MYLK3: variants seen among roughly 807,000 people sequenced by gnomAD.
MYLK3 encodes myosin light chain kinase 3.
MYLK3 carries 55 observed loss-of-function variants against 76.3 expected under a neutral mutation model. The ratio of observed to expected loss-of-function variants is 0.72; its 90% confidence interval spans 0.58 to 0.90. The LOEUF (loss-of-function observed/expected upper bound fraction) is 0.90. Ranked by LOEUF, MYLK3 falls within the 40% of genes least tolerant of loss-of-function variation. The pLI is 0.00. For missense variants in MYLK3, 973 were observed against 1,053.6 expected, an observed-to-expected ratio of 0.92 and a Z score of 1.06; for synonymous variants, 416 against 425.4, an observed-to-expected ratio of 0.98 and a Z score of 0.27.
chr16:46,712,306 G>A (rs905537927), intron 10 of MYLK3, among the ~76,000 whole-genome samples: 6 of 151,774 alleles, frequency 4.0e-5, no homozygotes, highest in African/African-American at 9.7e-5. Flanking sequence ...CCATAACTTT[G>A]ATACAGCTGC....
intron 8 of MYLK3, among the ~76,000 whole-genome samples, chr16:46,721,867 T>C (rs1472437181): frequency 1.3e-5 from 2 of 152,084 alleles, no homozygotes; most frequent in Non-Finnish European, 2.9e-5. Flanking sequence ...AATGTTATAC[T>C]GGAATGCTAA....
chr16:46,739,382 A>T (rs1966893939), intron 2 of MYLK3, among the ~76,000 whole-genome samples: 1 of 152,252 alleles, frequency 6.6e-6, no homozygotes, highest in South Asian at 2.1e-4. Flanking sequence ...AGGTTAAGAA[A>T]GTAATCCATA....
chr16:46,761,547 T>A (rs1967276029), intron 1 of MYLK3, among the ~76,000 whole-genome samples: 2 of 152,134 alleles, frequency 1.3e-5, no homozygotes, highest in Non-Finnish European at 2.9e-5. Flanking sequence ...CAGGGCACAG[T>A]GGCTCACGCC....
intron 3 of MYLK3, 149 bp from the exon 4 acceptor site, chr16:46,732,817 G>C (rs763228998): frequency 1.6e-6 from 1 of 623,176 alleles, no homozygotes; most frequent in Non-Finnish European, 2.7e-6. Flanking sequence ...TGACTTCAGT[G>C]ACAGTTGGTG....
Position 46,729,899 on chromosome 16 carries a change from C to A in MYLK3, c.1569-212G>T, listed in dbSNP as rs1966849071. The A allele has an allele frequency of 6.6e-6, 4 of 603,260 alleles. No homozygotes were observed. The East Asian group carries it at 1.1e-4, about 17-fold the overall frequency. The allele number at this position is 603,260 out of a possible 1,614,324, so 37.4% of individuals were successfully genotyped here. On this transcript the variant is annotated intron_variant, in intron 5 of 12. Coordinates refer to ENST00000394809, the MANE Select transcript of MYLK3 (RefSeq NM_182493.3). ...ACACCACCCAGGCCATTCCACATCC[C>A]AGGGAACATCCCCTCATCCCTCACC...
At position 46,741,847 on chromosome 16, in the gene MYLK3, T is replaced by C. The variant is rs566783008; in HGVS notation, c.478-1700A>G. The stretch of plus-strand genomic sequence containing the variant: ...GTGCAGTGGTTGGATCCCAGCTCAC[T>C]GCAGCCTCGACCTTCCAGGATTAAG... On this transcript the variant is annotated intron_variant, in intron 1 of 12. Coordinates refer to ENST00000394809, the MANE Select transcript of MYLK3 (RefSeq NM_182493.3). 4.0e-5 allele frequency among the ~76,000 whole-genome samples: 6 copies of C among 151,866 alleles called. No individual in the cohort carries two copies. In the East Asian group the frequency reaches 1.2e-3, roughly 29 times the overall value.
intron 7 of MYLK3, 103 bp downstream of exon 7, chr16:46,728,921 G>A: frequency 1.2e-6 from 1 of 839,864 alleles, no homozygotes; most frequent in Non-Finnish European, 2.0e-6. Flanking sequence ...GACGTGCCAG[G>A]AAGGGGAAAG....
chr16:46,718,004 T>C (rs1966761208), intron 9 of MYLK3, among the ~76,000 whole-genome samples: 1 of 152,202 alleles, frequency 6.6e-6, no homozygotes, highest in Non-Finnish European at 1.5e-5. Context: ...GTGAAGACAA[T>C]ATTGCCCCAT....
At chr16:46,729,853 T>A in intron 5 of MYLK3, 166 bp from the exon 6 acceptor site, 1 of 634,580 alleles carries the variant, frequency 1.6e-6, no homozygotes, top group Non-Finnish European at 2.8e-6. Context: ...TCCCGAAACC[T>A]GCAAAGCAAC....
Position 46,738,008 on chromosome 16 carries a change from G to T in MYLK3, c.704C>A (p.Ala235Glu), listed in dbSNP as rs1308718094. 1.2e-6 allele frequency: 2 copies of T among 1,613,404 alleles called. No homozygotes were observed. The highest frequency in any genetic ancestry group is 2.2e-5 in the South Asian group (2 of 91,076). The stretch of plus-strand genomic sequence containing the variant: ...GGGCAGGGGCAGGTGGCCAGGGAAT[G>T]CCTGGGCTGGGCCAGGAACACCATC... ...QGDGVPGPAQ[A>E]FPGHLPLPTK... The change falls in exon 3 of 13, where the codon GCA (alanine) becomes GAA (glutamate). Residue 235 changes from alanine (A) to glutamate (E), a missense_variant. Transcript: ENST00000394809.
chr16:46,753,221 G>C (rs973318451), upstream of MYLK3, among the ~76,000 whole-genome samples: 14 of 152,122 alleles, frequency 9.2e-5, no homozygotes, highest in African/African-American at 3.1e-4. Flanking sequence ...CGATACCCCC[G>C]GTAGGGTAAA....
At chr16:46,755,753 G>A (rs1967189723) in intron 1 of MYLK3, among the ~76,000 whole-genome samples, 1 of 152,108 alleles carries the variant, frequency 6.6e-6, no homozygotes, top group African/African-American at 2.4e-5. Context: ...ATACCCTCAT[G>A]GAGTGGTCGG....
intron 1 of MYLK3, 96 bp downstream of exon 1, chr16:46,747,621 A>G (rs1171579831): frequency 3.3e-6 from 4 of 1,197,464 alleles, no homozygotes; most frequent in Non-Finnish European, 4.8e-6. Context: ...GGAAGGGGAC[A>G]CCATGCCTCC....
intron 3 of MYLK3, among the ~76,000 whole-genome samples, chr16:46,733,562 G>C (rs953356265): frequency 2.6e-5 from 4 of 152,116 alleles, no homozygotes; most frequent in Non-Finnish European, 5.9e-5. Flanking sequence ...TGCAATACTA[G>C]GGTTTGTGAG....
chr16:46,726,865 C>T (rs1483551847), intron 8 of MYLK3: 2 of 156,994 alleles, frequency 1.3e-5, no homozygotes, highest in Admixed American at 6.5e-5. Flanking sequence ...GTCCCTTCCG[C>T]ACGGAGGGCT....
chr16:46,751,790 G>C (rs1024802937), upstream of MYLK3, among the ~76,000 whole-genome samples: 6 of 152,206 alleles, frequency 3.9e-5, no homozygotes, highest in Non-Finnish European at 5.9e-5. Flanking sequence ...GGGCCTCTGT[G>C]GTGGAAAGGA....
Position 46,747,700 on chromosome 16 carries a change from G to T in MYLK3, c.477+17C>A, listed in dbSNP as rs760963201. On this transcript the variant is annotated intron_variant, in intron 1 of 12. Transcript: ENST00000394809. ...CGGGGCCTCCCATCCAGCCAGGGCAGGGAAGCAGGAACCAACCTCCTCAGG... is the reference window on the plus strand; with the variant it reads ...CGGGGCCTCCCATCCAGCCAGGGCATGGAAGCAGGAACCAACCTCCTCAGG... 3.7e-6 allele frequency: 6 copies of T among 1,604,266 alleles called. No homozygotes were observed. Among genetic ancestry groups the T allele is most frequent in the Non-Finnish European group, 5.1e-6 (6 of 1,174,014 alleles).
At chr16:46,732,692 C>T in intron 3 of MYLK3, 24 bp from the exon 4 acceptor site, 1 of 1,468,886 alleles carries the variant, frequency 6.8e-7, no homozygotes, top group Non-Finnish European at 9.0e-7. Context: ...AAACATGGTG[C>T]TGAGGTTAGA....
intron 1 of MYLK3, among the ~76,000 whole-genome samples, chr16:46,746,936 G>A (rs1967036382): frequency 6.6e-6 from 1 of 152,196 alleles, no homozygotes; most frequent in Admixed American, 6.5e-5. Context: ...CCGACACAGA[G>A]TCAAGCACGG....
Sources: gnomAD v4.1 joint callset for allele counts (sites outside exome capture counted in the v4.1 genomes callset) on GRCh38, gnomAD v4.1.1 for gene constraint, MANE v1.5 for transcripts, NCBI Gene and HGNC (gene_info 2026-07-23, HGNC 2026-07-21) for gene names.